TWSG1: variants seen among roughly 807,000 people sequenced by gnomAD.
The protein encoded by TWSG1 is twisted gastrulation protein homolog 1.
TWSG1 carries 15 observed loss-of-function variants against 23.0 expected under a neutral mutation model. The ratio of observed to expected loss-of-function variants is 0.65; its 90% CI spans 0.44 to 1.00. The LOEUF (loss-of-function observed/expected upper bound fraction) is 1.00. Ranked by LOEUF, TWSG1 falls within the 50% of genes least tolerant of loss-of-function variation. The pLI is 0.00. For missense variants in TWSG1, 242 were observed against 278.7 expected (o/e 0.87, Z 0.94); for synonymous variants, 86 against 92.8 (o/e 0.93, Z 0.42).
At chr18:9,397,776 C>T (rs865994086) in intron 4 of TWSG1, among the ~76,000 whole-genome samples, 8 of 152,224 alleles carry the variant, frequency 5.3e-5, no homozygotes, top group African/African-American at 7.2e-5. Flanking sequence ...GAGGCTGAGG[C>T]GGGCACATCA....
chr18:9,358,317 T>C (rs1032239632), intron 2 of TWSG1, among the ~76,000 whole-genome samples: 5 of 152,192 alleles, frequency 3.3e-5, no homozygotes, highest in African/African-American at 4.8e-5. Context: ...GATCCCCTAG[T>C]TCAAATTCCT....
chr18:9,396,516 AAT>A lies in TWSG1; in HGVS notation c.461_462del (p.Asn154SerfsTer8). The A allele has an allele frequency of 6.2e-7, 1 of 1,613,552 alleles. No homozygotes were observed. Among genetic ancestry groups the A allele is most frequent in the Non-Finnish European group, 8.5e-7 (1 of 1,180,020 alleles). ...CCAGAATGTGTCTGTCCCCAGCAATAATGTTCACGCGCCTTATTCCAGTGACA... is the reference window on the plus strand; with the variant it reads ...CCAGAATGTGTCTGTCCCCAGCAATAGTTCACGCGCCTTATTCCAGTGACA... Reference protein sequence around the residue: ...HHQNVSVPSNNVHAPYSSDKE... With the variant: ...HHQNVSVPSNXVHAPYSSDKE... On this transcript the variant is annotated frameshift_variant, in exon 4 of 5. Transcript: ENST00000262120. LOFTEE classifies it high-confidence loss of function.
intron 3 of TWSG1, among the ~76,000 whole-genome samples, chr18:9,365,291 C>G (rs765949747): frequency 2.6e-5 from 4 of 152,114 alleles, no homozygotes; most frequent in Non-Finnish European, 5.9e-5. Context: ...TACAGCACTC[C>G]AGCCTGGGCA....
At chr18:9,337,479 TA>T in intron 2 of TWSG1, 127 bp downstream of exon 2, 1 of 972,918 alleles carries the variant, frequency 1.0e-6, no homozygotes, top group East Asian at 2.7e-5. Flanking sequence ...GGGCCTGAGG[TA>T]CTGAATCATG....
At chr18:9,366,805 AAAT>A (rs2040581022) in intron 3 of TWSG1, among the ~76,000 whole-genome samples, 1 of 152,192 alleles carries the variant, frequency 6.6e-6, no homozygotes, top group South Asian at 2.1e-4. Flanking sequence ...TTTAATTGAC[AAAT>A]AATAGTATAT....
rs1218489605 is a variant in TWSG1 at position 9,337,299 on chromosome 18, C to T, written c.70C>T (p.Leu24=). 1.9e-6 allele frequency: 3 copies of T among 1,613,698 alleles called. No homozygotes were observed. Among genetic ancestry groups the T allele is most frequent in the Non-Finnish European group, 8.5e-7 (1 of 1,180,014 alleles). The change falls in exon 2 of 5, where the codon CTG becomes TTG. Residue 24 remains leucine (L), a synonymous_variant. Transcript: ENST00000262120. The part of the protein sequence containing the change: ...LMFLTWLPES[L]SCNKALCASD... ...GTTCCTGACATGGCTTCCAGAATCA[C>T]TGAGCTGTAACAAAGCACTCTGTGC...
intron 3 of TWSG1, among the ~76,000 whole-genome samples, chr18:9,394,160 A>G (rs773027938): frequency 2.0e-5 from 3 of 152,242 alleles, no homozygotes; most frequent in Non-Finnish European, 2.9e-5. Context: ...CTAGATGTCC[A>G]ACAACAGATG....
intron 3 of TWSG1, among the ~76,000 whole-genome samples, chr18:9,375,161 C>T (rs543551516): frequency 1.7e-4 from 16 of 92,734 alleles, no homozygotes; most frequent in Admixed American, 1.4e-3. Context: ...AGCGATACTC[C>T]GTCTCAAAAA....
rs181381996 is a variant in TWSG1 at position 9,348,957 on chromosome 18, G to A, written c.124-11015G>A. ...TATGTAAATATTTTTTACCAGCATGGTTGCAAAGCAGTACAGTCATTCCTG... is the reference window on the plus strand; with the variant it reads ...TATGTAAATATTTTTTACCAGCATGATTGCAAAGCAGTACAGTCATTCCTG... On this transcript the variant is annotated intron_variant, in intron 2 of 4. Coordinates refer to ENST00000262120, the MANE Select transcript of TWSG1 (RefSeq NM_020648.6). Among the ~76,000 whole-genome samples, 840 of 152,198 alleles carry A rather than the reference G, an allele frequency of 5.5e-3. 2 individuals are homozygous for A. Among genetic ancestry groups the A allele is most frequent in the South Asian group, 0.019 (90 of 4,814 alleles).
In TWSG1 at chr18:9,383,330, A is replaced by G. The variant is rs140634103; in HGVS notation, c.224-12950A>G. Among the ~76,000 whole-genome samples the G allele has an allele frequency of 4.0e-5, 6 of 151,778 alleles. No individual in the cohort carries two copies. The East Asian group carries it at 1.2e-3, about 29-fold the overall frequency. On this transcript the variant is annotated intron_variant, in intron 3 of 4. Transcript: ENST00000262120. ...TGCCTCAGCCTCCTGAGTGGCTGAA[A>G]TTACAGGTGTGCACCACCACACCCA...
intron 3 of TWSG1, among the ~76,000 whole-genome samples, chr18:9,379,020 T>C (rs1384272898): frequency 1.3e-5 from 2 of 152,046 alleles, no homozygotes; most frequent in African/African-American, 4.8e-5. Flanking sequence ...AGTCAAAAAA[T>C]AACAGATGCT....
chr18:9,336,729 C>G (rs1414765531), intron 1 of TWSG1, among the ~76,000 whole-genome samples: 1 of 152,142 alleles, frequency 6.6e-6, no homozygotes, highest in Non-Finnish European at 1.5e-5. Context: ...CTGATATACT[C>G]TCAAGTTACT....
At chr18:9,339,095 C>A (rs1240462777) in intron 2 of TWSG1, among the ~76,000 whole-genome samples, 1 of 151,448 alleles carries the variant, frequency 6.6e-6, no homozygotes, top group Non-Finnish European at 1.5e-5. Flanking sequence ...GTCTCAGCTA[C>A]TTGGGAGGCT....
At chr18:9,338,661 C>T (rs1056635920) in intron 2 of TWSG1, among the ~76,000 whole-genome samples, 21 of 152,174 alleles carry the variant, frequency 1.4e-4, no homozygotes, top group African/African-American at 3.4e-4. Context: ...TAATAAGGCA[C>T]GCCTGCTTAG....
intron 2 of TWSG1, among the ~76,000 whole-genome samples, 182 bp downstream of exon 2, chr18:9,337,534 T>TA (rs1166960230): frequency 6.6e-6 from 1 of 152,150 alleles, no homozygotes; most frequent in East Asian, 1.9e-4. Context: ...TCAATATATA[T>TA]AGGCAAGGTT....
chr18:9,392,779 A>G (rs186425987), intron 3 of TWSG1, among the ~76,000 whole-genome samples: 54 of 152,276 alleles, frequency 3.5e-4, no homozygotes, highest in Non-Finnish European at 6.8e-4. Flanking sequence ...AGACATTTCT[A>G]ACTTTTTTAA....
At chr18:9,396,147 CAAAAAAA>C (rs58754446) in intron 3 of TWSG1, 126 bp from the exon 4 acceptor site, 1,083 of 472,154 alleles carry the variant, frequency 2.3e-3, no homozygotes, top group Admixed American at 3.3e-3. Flanking sequence ...GCTCACCCAG[CAAAAAAA>C]AAAAAAAAAA....
At chr18:9,363,109 G>A (rs2145610077) in intron 3 of TWSG1, among the ~76,000 whole-genome samples, 1 of 152,238 alleles carries the variant, frequency 6.6e-6, no homozygotes, top group East Asian at 1.9e-4. Context: ...ACACAAATTA[G>A]AGTGCAGCCT....
At position 9,368,947 on chromosome 18, in the gene TWSG1, CA is replaced by C. The variant is rs879284293; in HGVS notation, c.223+8888del. Among the ~76,000 whole-genome samples the C allele has an allele frequency of 2.0e-3, 252 of 127,680 alleles. 1 individual carries two copies. The highest frequency in any genetic ancestry group is 8.6e-3 in the Middle Eastern group (2 of 232). The allele number at this position is 127,680 out of a possible 152,430, so 83.8% of individuals were successfully genotyped here. A position where few individuals can be genotyped will look rare whatever the true frequency, so the allele number is the denominator to read the frequency against. ...TGGGCAACAGAGCGAGACTCTGTCT[CA>C]AAAAAAAAAAATTAGCTGAGTGTGG... On this transcript the variant is annotated intron_variant, in intron 3 of 4. Transcript: ENST00000262120.
Sources: allele counts gnomAD v4.1 joint callset (sites outside exome capture counted in the v4.1 genomes callset), GRCh38; gene constraint gnomAD v4.1.1; transcripts MANE v1.5; gene names NCBI Gene and HGNC (gene_info 2026-07-23, HGNC 2026-07-21).